COL25A1: variants seen among roughly 807,000 people sequenced by gnomAD.
COL25A1 encodes the protein collagen type XXV alpha 1 chain.
Under a neutral mutation model 128.4 loss-of-function variants are expected in COL25A1, and 103 were observed. The ratio of observed to expected loss-of-function variants is 0.80; its 90% confidence interval spans 0.68 to 0.94. The LOEUF (loss-of-function observed/expected upper bound fraction) is 0.94, where lower values mean the gene tolerates loss of function less well. Among genes scored for constraint, COL25A1 ranks in the 40% least tolerant of loss-of-function variants. The pLI is 0.00. For synonymous variants in COL25A1, 279 were observed against 277.2 expected, an observed-to-expected ratio of 1.01 and a Z score of -0.06; for missense variants, 745 against 840.0, an observed-to-expected ratio of 0.89 and a Z score of 1.40.
chr4:109,281,118 C>T (rs773201198), intron 3 of COL25A1, among the ~76,000 whole-genome samples: 2 of 152,080 alleles, frequency 1.3e-5, no homozygotes, highest in Non-Finnish European at 2.9e-5. Context: ...TACAAGAATA[C>T]ACTTTACAAA....
intron 8 of COL25A1, among the ~76,000 whole-genome samples, chr4:108,958,484 A>C (rs1282978495): frequency 6.6e-6 from 1 of 152,062 alleles, no homozygotes; most frequent in Non-Finnish European, 1.5e-5. Flanking sequence ...AATGACCTAT[A>C]TAAGATATCT....
chr4:109,249,093 G>C (rs1780476196), intron 3 of COL25A1, among the ~76,000 whole-genome samples: 2 of 152,090 alleles, frequency 1.3e-5, no homozygotes, highest in Non-Finnish European at 2.9e-5. Flanking sequence ...GTCTTCTTTT[G>C]TTCAAATCTA....
chr4:109,011,544 C>A (rs1443370613), intron 5 of COL25A1, among the ~76,000 whole-genome samples: 1 of 152,154 alleles, frequency 6.6e-6, no homozygotes, highest in Non-Finnish European at 1.5e-5. Context: ...AATTCCTTAC[C>A]AAGTGCCAGA....
At chr4:109,089,815 A>G (rs1764739409) in intron 3 of COL25A1, among the ~76,000 whole-genome samples, 1 of 152,110 alleles carries the variant, frequency 6.6e-6, no homozygotes, top group Non-Finnish European at 1.5e-5. Flanking sequence ...CATGCTGCCC[A>G]GATTTGTCTC....
At chr4:109,183,514 A>C (rs1774862037) in intron 3 of COL25A1, among the ~76,000 whole-genome samples, 1 of 152,268 alleles carries the variant, frequency 6.6e-6, no homozygotes, top group African/African-American at 2.4e-5. Flanking sequence ...TCTTCTTCCC[A>C]TACTCCAAGT....
intron 4 of COL25A1, among the ~76,000 whole-genome samples, chr4:109,049,863 A>C (rs1483057314): frequency 1.3e-5 from 2 of 152,232 alleles, no homozygotes; most frequent in East Asian, 3.8e-4. Context: ...GACAGACTTA[A>C]CTTGACCCAG....
intron 3 of COL25A1, among the ~76,000 whole-genome samples, chr4:109,113,383 A>T (rs1767215785): frequency 6.6e-6 from 1 of 151,836 alleles, no homozygotes; most frequent in Non-Finnish European, 1.5e-5. Flanking sequence ...GAGAATTTTT[A>T]ACACAAAGTT....
intron 8 of COL25A1, among the ~76,000 whole-genome samples, chr4:108,972,771 A>G (rs1410628140): frequency 6.6e-6 from 1 of 152,172 alleles, no homozygotes; most frequent in Non-Finnish European, 1.5e-5. Flanking sequence ...TCTGCATGAA[A>G]GGCAGTCTGG....
chr4:108,857,429 G>T (rs1255106653), intron 24 of COL25A1, among the ~76,000 whole-genome samples: 1 of 151,936 alleles, frequency 6.6e-6, no homozygotes, highest in African/African-American at 2.4e-5. Context: ...CAATTACACA[G>T]AGGAACACTA....
intron 3 of COL25A1, among the ~76,000 whole-genome samples, chr4:109,235,411 A>G (rs1445167762): frequency 6.6e-6 from 1 of 152,144 alleles, no homozygotes; most frequent in Non-Finnish European, 1.5e-5. Flanking sequence ...TCCAGGGAAG[A>G]TCTGAGAAGA....
intron 11 of COL25A1, among the ~76,000 whole-genome samples, chr4:108,929,275 C>A (rs1746445411): frequency 6.6e-6 from 1 of 151,958 alleles, no homozygotes; most frequent in Admixed American, 6.6e-5. Flanking sequence ...AGGCACCTCC[C>A]ACCATGCCTG....
In COL25A1 at chr4:109,254,405, G is replaced by C. The variant is rs886658567; in HGVS notation, c.367+46178C>G. On this transcript the variant is annotated intron_variant, in intron 3 of 37. Transcript: ENST00000399132. Reference sequence around the variant, plus strand: ...ACAAGGCTGGGAACGCTATTGAGCAGTTTCCTGTGGCCTGCGTTCACATAA... The same window carrying C: ...ACAAGGCTGGGAACGCTATTGAGCACTTTCCTGTGGCCTGCGTTCACATAA... Among the ~76,000 whole-genome samples the C allele has an allele frequency of 2.1e-5, 3 of 144,946 alleles. No individual in the cohort carries two copies. The East Asian group carries it at 6.2e-4, about 30-fold the overall frequency.
intron 3 of COL25A1, among the ~76,000 whole-genome samples, chr4:109,080,135 C>T (rs573668735): frequency 3.3e-5 from 5 of 152,200 alleles, no homozygotes; most frequent in Admixed American, 3.3e-4. Flanking sequence ...AGGTACTGTG[C>T]TATTATAGAT....
intron 20 of COL25A1, among the ~76,000 whole-genome samples, chr4:108,864,928 G>A (rs1032757543): frequency 6.6e-6 from 1 of 152,150 alleles, no homozygotes; most frequent in Non-Finnish European, 1.5e-5. Flanking sequence ...TTTAAAGTGG[G>A]TAAAACTGAT....
chr4:109,108,767 TA>T (rs67505201), intron 3 of COL25A1, among the ~76,000 whole-genome samples: 17,088 of 125,292 alleles, frequency 0.14, 1,294 homozygotes, highest in East Asian at 0.35. Context: ...GGTTTTTTAT[TA>T]TTTTTTTAGC....
intron 6 of COL25A1, among the ~76,000 whole-genome samples, chr4:108,981,934 G>C (rs1377138130): frequency 6.6e-6 from 1 of 152,134 alleles, no homozygotes; most frequent in African/African-American, 2.4e-5. Flanking sequence ...GGCTAGGCAC[G>C]GTGGCTCATG....
intron 37 of COL25A1, among the ~76,000 whole-genome samples, chr4:108,816,552 T>C (rs531293387): frequency 1.3e-5 from 2 of 152,298 alleles, no homozygotes; most frequent in East Asian, 3.9e-4. Flanking sequence ...GCATAAAGGT[T>C]TGATATTCTC....
intron 3 of COL25A1, among the ~76,000 whole-genome samples, chr4:109,220,317 G>A (rs1480253121): frequency 3.3e-5 from 5 of 152,068 alleles, no homozygotes; most frequent in East Asian, 1.9e-4. Context: ...TTGAGATTAC[G>A]CAGACATCCA....
At chr4:109,162,423 C>T (rs775967890) in intron 3 of COL25A1, among the ~76,000 whole-genome samples, 1 of 152,170 alleles carries the variant, frequency 6.6e-6, no homozygotes, top group Non-Finnish European at 1.5e-5. Context: ...GTGAAATCAT[C>T]CAAGTGCCAG....
Sources: allele counts gnomAD v4.1 joint callset (sites outside exome capture counted in the v4.1 genomes callset), GRCh38; gene constraint gnomAD v4.1.1; transcripts MANE v1.5; gene names NCBI Gene and HGNC (gene_info 2026-07-23, HGNC 2026-07-21).